CCDC125: variants seen among roughly 807,000 people sequenced by gnomAD.
CCDC125 encodes coiled-coil domain containing 125, also known as coiled-coil domain-containing protein 125.
In CCDC125, 43 loss-of-function variants were observed where a neutral mutation model predicts 57.4. That is an observed-to-expected ratio of 0.75 (90% confidence interval 0.59 to 0.97). CCDC125 has a LOEUF of 0.97. CCDC125 is among the 50% of genes least tolerant of loss of function. CCDC125 has a pLI of 0.00. For synonymous variants in CCDC125, 187 were observed against 195.2 expected, an observed-to-expected ratio of 0.96 and a Z score of 0.35; for missense variants, 563 against 595.7, an observed-to-expected ratio of 0.95 and a Z score of 0.57.
the CCDC125 span, among the ~76,000 whole-genome samples, chr5:69,274,790 A>AT: frequency 2.0e-5 from 3 of 151,934 alleles, no homozygotes; most frequent in South Asian, 6.2e-4. Flanking sequence ...TAATTTTTGG[A>AT]TTTTTAGTAG....
chr5:69,310,159 G>A (rs1451033609), intron 4 of CCDC125: 1 of 152,212 alleles, frequency 6.6e-6, no homozygotes, highest in Non-Finnish European at 1.5e-5. Flanking sequence ...GACTTTGGGG[G>A]ACTGTTGGGA....
chr5:69,317,604 T>C (rs1433608478), intron 2 of CCDC125, among the ~76,000 whole-genome samples: 1 of 152,150 alleles, frequency 6.6e-6, no homozygotes, highest in Non-Finnish European at 1.5e-5. Flanking sequence ...CAACATAGAT[T>C]ACAAAATATT....
At chr5:69,331,393 C>T (rs1011753865) in intron 1 of CCDC125, among the ~76,000 whole-genome samples, 4 of 151,788 alleles carry the variant, frequency 2.6e-5, no homozygotes, top group Middle Eastern at 3.4e-3. Flanking sequence ...CCACCATGCC[C>T]GGCTAATATT....
At chr5:69,313,701 A>T (rs1422449103) in intron 3 of CCDC125, 1 of 764,826 alleles carries the variant, frequency 1.3e-6, no homozygotes, top group Non-Finnish European at 2.4e-6. Flanking sequence ...CACATTGCCC[A>T]CCAGTATCTC....
chr5:69,283,152 G>A, intron 11 of CCDC125, 118 bp from the exon 12 acceptor site: 1 of 714,430 alleles, frequency 1.4e-6, no homozygotes, highest in East Asian at 2.8e-5. Context: ...ATACTGATCT[G>A]TCCATCAGTA....
intron 9 of CCDC125, among the ~76,000 whole-genome samples, chr5:69,293,510 A>T (rs551194085): frequency 6.6e-6 from 1 of 151,748 alleles, no homozygotes; most frequent in Non-Finnish European, 1.5e-5. Context: ...ATTAACTGGG[A>T]GTGGTGGCAG....
chr5:69,298,390 T>C (rs1755780574), intron 8 of CCDC125, among the ~76,000 whole-genome samples: 1 of 152,236 alleles, frequency 6.6e-6, no homozygotes, highest in Non-Finnish European at 1.5e-5. Context: ...AGAGGAAAAT[T>C]CCACTGCCTC....
chr5:69,331,956 G>A (rs1761473229), intron 1 of CCDC125, among the ~76,000 whole-genome samples: 1 of 152,222 alleles, frequency 6.6e-6, no homozygotes, highest in Non-Finnish European at 1.5e-5. Context: ...GACTTTGTGT[G>A]TCTCGTTTGC....
rs114093804 is a variant in CCDC125 at position 69,313,033 on chromosome 5, G to A, written c.366+952C>T. 3.8e-3 allele frequency among the ~76,000 whole-genome samples: 571 copies of A among 152,192 alleles called. 4 individuals are homozygous for A. Among genetic ancestry groups the A allele is most frequent in the African/African-American group, 0.013 (555 of 41,534 alleles). ...TCACTATTGCAGTTACAAGTCAGCA[G>A]CAAGGGAAGAGGGGGAGGAACAGGT... On this transcript the variant is annotated intron_variant, in intron 3 of 11. Coordinates refer to ENST00000396496, the MANE Select transcript of CCDC125 (RefSeq NM_176816.5).
intron 1 of CCDC125, among the ~76,000 whole-genome samples, chr5:69,330,328 G>A (rs1437368300): frequency 2.0e-5 from 3 of 152,190 alleles, no homozygotes; most frequent in Non-Finnish European, 4.4e-5. Flanking sequence ...CGGGCACGGT[G>A]GCTCATGCCT....
At chr5:69,326,886 CA>C (rs1044174294) in intron 1 of CCDC125, among the ~76,000 whole-genome samples, 1 of 151,310 alleles carries the variant, frequency 6.6e-6, no homozygotes. Context: ...CTCATGTCTA[CA>C]AAAAAAGGAA....
intron 11 of CCDC125, among the ~76,000 whole-genome samples, chr5:69,284,818 A>G (rs1309685423): frequency 6.6e-6 from 1 of 152,160 alleles, no homozygotes; most frequent in African/African-American, 2.4e-5. Flanking sequence ...CTGGCTGGGC[A>G]TGGTGGGTCA....
At chr5:69,313,234 C>T in intron 3 of CCDC125, 1 of 488,346 alleles carries the variant, frequency 2.0e-6, no homozygotes, top group Non-Finnish European at 3.7e-6. Flanking sequence ...GTCTGTTTGG[C>T]AACTGGGGTG....
rs113522091 is a variant in CCDC125 at position 69,299,786 on chromosome 5, G to A, written c.816+226C>T. 1.6e-3 allele frequency among the ~76,000 whole-genome samples: 247 copies of A among 152,284 alleles called. 1 individual carries two copies. The highest frequency in any genetic ancestry group is 5.8e-3 in the African/African-American group (241 of 41,556). Reference sequence around the variant, plus strand: ...AGAACTGTAAAGATGAGAAATAAACGGGGCAGAAGTGGCCAGCACATTCCC... The same window carrying A: ...AGAACTGTAAAGATGAGAAATAAACAGGGCAGAAGTGGCCAGCACATTCCC... On this transcript the variant is annotated intron_variant, in intron 8 of 11. Coordinates refer to ENST00000396496, the MANE Select transcript of CCDC125 (RefSeq NM_176816.5).
intron 1 of CCDC125, among the ~76,000 whole-genome samples, chr5:69,326,215 T>C (rs922456930): frequency 2.6e-5 from 4 of 152,164 alleles, no homozygotes; most frequent in African/African-American, 9.7e-5. Flanking sequence ...TTGGAGAATT[T>C]CAATGAAATT....
intron 8 of CCDC125, among the ~76,000 whole-genome samples, chr5:69,297,486 A>G (rs1235680566): frequency 6.7e-6 from 1 of 150,286 alleles, no homozygotes; most frequent in Non-Finnish European, 1.5e-5. Flanking sequence ...CAGCCTCCCA[A>G]GTAGCTGGGA....
intron 10 of CCDC125, among the ~76,000 whole-genome samples, chr5:69,288,733 CTTTTG>C: frequency 6.6e-6 from 1 of 152,190 alleles, no homozygotes. Flanking sequence ...CAACTCTGTG[CTTTTG>C]ACTGGCATTT....
chr5:69,277,127 A>AT (rs767542729), downstream of CCDC125: 1 of 1,599,690 alleles, frequency 6.3e-7, no homozygotes, highest in Non-Finnish European at 8.5e-7. Context: ...CAAGAAACTA[A>AT]TTTTTTAAAG....
downstream of CCDC125, among the ~76,000 whole-genome samples, chr5:69,279,649 A>T (rs1752373742): frequency 6.6e-6 from 1 of 151,472 alleles, no homozygotes; most frequent in East Asian, 1.9e-4. Context: ...CATCAAACCC[A>T]CTCGTGCTTC....
Sources: gnomAD v4.1 joint callset for allele counts (sites outside exome capture counted in the v4.1 genomes callset) on GRCh38, gnomAD v4.1.1 for gene constraint, MANE v1.5 for transcripts, NCBI Gene and HGNC (gene_info 2026-07-23, HGNC 2026-07-21) for gene names.